The following NUDCD3 variants were observed in gnomAD, a reference collection of about 807,000 sequenced individuals.
NUDCD3 encodes the protein NudC domain containing 3, also known as nudC domain-containing protein 3.
A neutral mutation model predicts 39.7 loss-of-function variants in NUDCD3; 13 were observed. That is an observed-to-expected ratio of 0.33 (90% CI 0.21 to 0.52). The LOEUF is 0.52. Ranked by LOEUF, NUDCD3 falls within the 20% of genes least tolerant of loss-of-function variation. The pLI is 0.96. For missense variants in NUDCD3, 453 were observed against 458.1 expected (o/e 0.99, Z 0.10); for synonymous variants, 175 against 172.4 (o/e 1.02, Z -0.12).
chr7:44,406,262 C>A (rs994949924), intron 3 of NUDCD3, among the ~76,000 whole-genome samples: 8 of 152,214 alleles, frequency 5.3e-5, no homozygotes, highest in Admixed American at 3.9e-4. Context: ...CTCATGAGAT[C>A]GCAGTTCCAC....
chr7:44,444,621 C>T (rs1279590114), intron 2 of NUDCD3, among the ~76,000 whole-genome samples: 3 of 152,142 alleles, frequency 2.0e-5, no homozygotes, highest in African/African-American at 7.2e-5. Context: ...CATAACACCC[C>T]AACTTTAACG....
chr7:44,404,643 C>G, intron 3 of NUDCD3, 60 bp from the exon 4 acceptor site: 1 of 1,569,876 alleles, frequency 6.4e-7, no homozygotes, highest in South Asian at 1.1e-5. Context: ...GTGTGCTGTA[C>G]GGTGGGAGTG....
chr7:44,431,627 T>C (rs938136952), intron 2 of NUDCD3, among the ~76,000 whole-genome samples: 4 of 151,808 alleles, frequency 2.6e-5, no homozygotes, highest in South Asian at 2.1e-4. Context: ...ATCTGCCTGT[T>C]TGAGTGCTGC....
At chr7:44,393,754 G>A (rs181887220) in intron 4 of NUDCD3, among the ~76,000 whole-genome samples, 4 of 152,182 alleles carry the variant, frequency 2.6e-5, no homozygotes, top group East Asian at 1.9e-4. Context: ...CAAAGGGCCC[G>A]CAAGTGAGAG....
At chr7:44,439,061 C>T (rs757465423) in intron 2 of NUDCD3, among the ~76,000 whole-genome samples, 5 of 152,154 alleles carry the variant, frequency 3.3e-5, no homozygotes, top group Non-Finnish European at 7.3e-5. Context: ...ATGAGGATGA[C>T]TAACTCAAAA....
Position 44,485,075 on chromosome 7 carries a change from C to G in NUDCD3, c.402G>C (p.Gln134His), listed in dbSNP as rs115164631. 4 of 1,614,128 alleles carry G rather than the reference C, an allele frequency of 2.5e-6. No individual in the cohort carries two copies. The highest frequency in any genetic ancestry group is 3.4e-6 in the Non-Finnish European group (4 of 1,179,980). The part of the protein sequence containing the change: ...LDGHQEVEKV[Q>H]PPGPVKEMAH... ...CCATTTCCTTCACAGGGCCTGGAGG[C>G]TGCACTTTCTCTACTTCCTGATGCC... Residue 134 changes from glutamine (Q) to histidine (H), a missense_variant, in exon 2 of 6, where the codon CAG (glutamine) becomes CAC (histidine). Transcript: ENST00000355451.
At chr7:44,391,515 G>A (rs907475646) in intron 5 of NUDCD3, among the ~76,000 whole-genome samples, 1 of 152,154 alleles carries the variant, frequency 6.6e-6, no homozygotes, top group Non-Finnish European at 1.5e-5. Flanking sequence ...GATCTTCAGG[G>A]GGAGGAGGCG....
At chr7:44,454,702 G>C (rs1799859695) in intron 2 of NUDCD3, among the ~76,000 whole-genome samples, 1 of 152,134 alleles carries the variant, frequency 6.6e-6, no homozygotes, top group Non-Finnish European at 1.5e-5. Context: ...CAAGGCGGGA[G>C]GATCACTTGA....
At chr7:44,486,133 C>T (rs1414958323) in intron 1 of NUDCD3, among the ~76,000 whole-genome samples, 1 of 152,242 alleles carries the variant, frequency 6.6e-6, no homozygotes, top group Non-Finnish European at 1.5e-5. Context: ...GGAAATGCCA[C>T]AGCTCTAAGA....
At chr7:44,430,554 C>CCACA (rs748912083) in intron 2 of NUDCD3, among the ~76,000 whole-genome samples, 4,156 of 140,732 alleles carry the variant, frequency 0.03, 77 homozygotes, top group African/African-American at 0.042. Context: ...AATAAAATAC[C>CCACA]CACACACACA....
At chr7:44,445,302 T>C (rs567039833) in intron 2 of NUDCD3, among the ~76,000 whole-genome samples, 1 of 152,378 alleles carries the variant, frequency 6.6e-6, no homozygotes, top group African/African-American at 2.4e-5. Flanking sequence ...ACTCTTGAGT[T>C]AGATAAGTTG....
intron 1 of NUDCD3, 60 bp from the exon 2 acceptor site, chr7:44,485,344 T>C: frequency 7.4e-7 from 1 of 1,354,894 alleles, no homozygotes; most frequent in Non-Finnish European, 1.0e-6. Context: ...CCACATATCT[T>C]GTAGAAATGT....
At chr7:44,441,472 T>C (rs758253609) in intron 2 of NUDCD3, among the ~76,000 whole-genome samples, 12 of 152,106 alleles carry the variant, frequency 7.9e-5, no homozygotes, top group Non-Finnish European at 1.2e-4. Flanking sequence ...CCGCCAACAA[T>C]AGCACCAATT....
chr7:44,489,305 GGACGAGGA>G (rs1800683400), intron 1 of NUDCD3, among the ~76,000 whole-genome samples: 1 of 152,200 alleles, frequency 6.6e-6, no homozygotes, highest in Non-Finnish European at 1.5e-5. Context: ...CCACTGACAA[GGACGAGGA>G]ATAGCCTTAA....
rs892468112 is a variant in NUDCD3, at chr7:44,393,384, G to A, written c.787-899C>T. On this transcript the variant is annotated intron_variant, in intron 4 of 5. Transcript: ENST00000355451. Reference sequence around the variant, plus strand: ...CAGTATGAGAGCAAACGTGAGGGGTGCTGTATGTACCTAGGTGACCCTGGC... The same window carrying A: ...CAGTATGAGAGCAAACGTGAGGGGTACTGTATGTACCTAGGTGACCCTGGC... Among the ~76,000 whole-genome samples, 4 of 152,200 alleles carry A rather than the reference G, an allele frequency of 2.6e-5. 1 individual carries two copies. The highest frequency in any genetic ancestry group is 5.9e-5 in the Non-Finnish European group (4 of 68,024).
chr7:44,393,751 C>T (rs1405137506), intron 4 of NUDCD3, among the ~76,000 whole-genome samples: 2 of 152,156 alleles, frequency 1.3e-5, no homozygotes, highest in Admixed American at 1.3e-4. Context: ...TAGCAAAGGG[C>T]CCGCAAGTGA....
intron 3 of NUDCD3, among the ~76,000 whole-genome samples, chr7:44,418,067 T>C (rs761910855): frequency 6.6e-6 from 1 of 152,128 alleles, no homozygotes; most frequent in Non-Finnish European, 1.5e-5. Flanking sequence ...AGGGCAGGTT[T>C]AGGACATGTC....
Position 44,464,457 on chromosome 7 carries a change from C to T in NUDCD3, c.509+20511G>A, listed in dbSNP as rs1800080547. ...CATCAGGCAGAGAAATGTACCTTGA[C>T]TAGATCAACAATTTTTTTTTTTTGG... On this transcript the variant is annotated intron_variant, in intron 2 of 5. Coordinates refer to ENST00000355451, the MANE Select transcript of NUDCD3 (RefSeq NM_015332.4). Among the ~76,000 whole-genome samples, 3 of 151,964 alleles carry T rather than the reference C, an allele frequency of 2.0e-5. No homozygotes were observed. In the South Asian group the frequency reaches 6.2e-4, roughly 32 times the overall value.
At chr7:44,410,329 T>C (rs545470588) in intron 3 of NUDCD3, among the ~76,000 whole-genome samples, 112 of 152,278 alleles carry the variant, frequency 7.4e-4, no homozygotes, top group African/African-American at 2.6e-3. Context: ...GGTACTGGCA[T>C]AAGGACAGGC....
Sources: allele counts gnomAD v4.1 joint callset (sites outside exome capture counted in the v4.1 genomes callset), GRCh38; gene constraint gnomAD v4.1.1; transcripts MANE v1.5; gene names NCBI Gene and HGNC (gene_info 2026-07-23, HGNC 2026-07-21).